LRFN2: variants seen among roughly 807,000 people sequenced by gnomAD.
LRFN2 encodes leucine-rich repeat and fibronectin type-III domain-containing protein 2.
A neutral mutation model predicts 37.3 loss-of-function variants in LRFN2; 18 were observed. The observed-to-expected ratio is 0.48, with a 90% confidence interval of 0.33 to 0.72. The LOEUF is 0.72. Ranked by LOEUF, LRFN2 falls within the 30% of genes least tolerant of loss-of-function variation. LRFN2 has a pLI of 0.02. For synonymous variants in LRFN2, 556 were observed against 466.6 expected (o/e 1.19, Z -2.47); for missense variants, 1,006 against 1,060.7 (o/e 0.95, Z 0.72).
chr6:40,523,684 A>G (rs1246518746), intron 1 of LRFN2: 1 of 152,138 alleles, frequency 6.6e-6, no homozygotes, highest in East Asian at 1.9e-4. Flanking sequence ...AATAAGTTCT[A>G]TCATTGGCCC....
chr6:40,551,683 G>T (rs946612083), intron 1 of LRFN2, among the ~76,000 whole-genome samples: 4 of 152,232 alleles, frequency 2.6e-5, no homozygotes, highest in African/African-American at 9.6e-5. Flanking sequence ...GAAAGTGGCT[G>T]TTGAGGATTG....
At chr6:40,560,805 G>T (rs563938450) in intron 1 of LRFN2, among the ~76,000 whole-genome samples, 2 of 152,262 alleles carry the variant, frequency 1.3e-5, no homozygotes, top group South Asian at 4.1e-4. Flanking sequence ...TTGGTTATTT[G>T]TATGTTTCAA....
chr6:40,465,697 C>T (rs1764445719), intron 1 of LRFN2, among the ~76,000 whole-genome samples: 1 of 152,154 alleles, frequency 6.6e-6, no homozygotes, highest in Admixed American at 6.5e-5. Flanking sequence ...CCTTGAACAA[C>T]ATAGGATGTT....
intron 2 of LRFN2, among the ~76,000 whole-genome samples, chr6:40,431,034 C>T (rs115092615): frequency 0.035 from 5,266 of 152,198 alleles, 303 homozygotes; most frequent in African/African-American, 0.12. Flanking sequence ...TTTGATCCAG[C>T]TGAACCTGAA....
At chr6:40,507,461 A>G (rs545027248) in intron 1 of LRFN2, among the ~76,000 whole-genome samples, 173 of 152,356 alleles carry the variant, frequency 1.1e-3, no homozygotes, top group African/African-American at 4.0e-3. Flanking sequence ...CTTCAGAAAC[A>G]GGCTCAGAGA....
chr6:40,405,325 C>T (rs994755431), intron 2 of LRFN2, among the ~76,000 whole-genome samples: 77 of 152,274 alleles, frequency 5.1e-4, no homozygotes, highest in African/African-American at 1.8e-3. Flanking sequence ...CCTGGTTTTG[C>T]ACATACCAGC....
intron 2 of LRFN2, among the ~76,000 whole-genome samples, chr6:40,421,105 A>G (rs899423909): frequency 1.3e-5 from 2 of 152,248 alleles, no homozygotes; most frequent in Non-Finnish European, 2.9e-5. Flanking sequence ...CCCCAGGTAG[A>G]GAATGTGAGC....
At chr6:40,517,940 T>C (rs1317651931) in intron 1 of LRFN2, among the ~76,000 whole-genome samples, 1 of 152,168 alleles carries the variant, frequency 6.6e-6, no homozygotes, top group African/African-American at 2.4e-5. Flanking sequence ...AGGCCTGTTT[T>C]CCTCCTGCTC....
At chr6:40,503,633 G>A (rs1464852394) in intron 1 of LRFN2, among the ~76,000 whole-genome samples, 1 of 152,134 alleles carries the variant, frequency 6.6e-6, no homozygotes, top group Non-Finnish European at 1.5e-5. Flanking sequence ...ATCCACATAT[G>A]GGTAGGAAAT....
intron 1 of LRFN2, among the ~76,000 whole-genome samples, chr6:40,481,427 A>T (rs1172682045): frequency 2.8e-5 from 4 of 142,384 alleles, no homozygotes; most frequent in Admixed American, 7.1e-5. Context: ...GGGCAACAGA[A>T]AAAGATTGTC....
chr6:40,393,970 AGT>A (rs1762565551), intron 2 of LRFN2, among the ~76,000 whole-genome samples: 2 of 152,150 alleles, frequency 1.3e-5, no homozygotes, highest in Non-Finnish European at 2.9e-5. Context: ...GGGACAGTGC[AGT>A]GTTAAGGACT....
chr6:40,456,480 G>A (rs1043075203), intron 1 of LRFN2, among the ~76,000 whole-genome samples: 1 of 152,192 alleles, frequency 6.6e-6, no homozygotes, highest in African/African-American at 2.4e-5. Flanking sequence ...GCTAGCCTGA[G>A]TACTTAGGGT....
At chr6:40,509,568 G>A (rs1372738381) in intron 1 of LRFN2, among the ~76,000 whole-genome samples, 1 of 152,168 alleles carries the variant, frequency 6.6e-6, no homozygotes, top group Non-Finnish European at 1.5e-5. Flanking sequence ...CAGGTAAGGG[G>A]TGGGTGCATG....
intron 2 of LRFN2, among the ~76,000 whole-genome samples, chr6:40,403,943 C>T (rs1762793244): frequency 6.6e-6 from 1 of 152,162 alleles, no homozygotes. Context: ...AATCTGGGCT[C>T]CCCACTGCTT....
chr6:40,391,938 C>G lies in LRFN2; in HGVS notation c.*5G>C. The G allele has an allele frequency of 6.5e-7, 1 of 1,538,944 alleles. No homozygotes were observed. The highest frequency in any genetic ancestry group is 8.8e-7 in the Non-Finnish European group (1 of 1,140,870). On this transcript the variant is annotated 3_prime_UTR_variant, in exon 3 of 3. Transcript: ENST00000338305. ...GCACAGGAAAGGGAGCATGCCCACCCCCACCTAGACCGTGCTCTCCATCAC... is the reference window on the plus strand; with the variant it reads ...GCACAGGAAAGGGAGCATGCCCACCGCCACCTAGACCGTGCTCTCCATCAC...
At chr6:40,454,390 T>A (rs953039335) in intron 1 of LRFN2, among the ~76,000 whole-genome samples, 4 of 152,088 alleles carry the variant, frequency 2.6e-5, no homozygotes, top group African/African-American at 9.7e-5. Context: ...CCAAGACAGT[T>A]GTAGGTAAAG....
intron 1 of LRFN2, among the ~76,000 whole-genome samples, chr6:40,498,661 G>T (rs994904891): frequency 6.6e-6 from 1 of 152,148 alleles, no homozygotes; most frequent in Non-Finnish European, 1.5e-5. Flanking sequence ...CCCACTCTGC[G>T]ACACCCACAT....
rs573975267 is a variant in LRFN2, at chr6:40,434,965, C to T, written c.-18-1834G>A. On this transcript the variant is annotated intron_variant, in intron 1 of 2. Coordinates refer to ENST00000338305, the MANE Select transcript of LRFN2 (RefSeq NM_020737.3). ...AATTAATGTTTAAGTTTGCATTACT[C>T]CTATTTCTTTTTACTATAAAGACAT... Among the ~76,000 whole-genome samples the T allele has an allele frequency of 5.8e-4, 80 of 137,386 alleles. No individual in the cohort carries two copies. In the South Asian group the frequency reaches 0.019, roughly 32 times the overall value. The allele number at this position is 137,386 out of a possible 152,430, so 90.1% of individuals were successfully genotyped here.
chr6:40,550,621 G>A (rs1187715814), intron 1 of LRFN2, among the ~76,000 whole-genome samples: 1 of 151,694 alleles, frequency 6.6e-6, no homozygotes, highest in Admixed American at 6.6e-5. Flanking sequence ...ACAGACCAGT[G>A]GCCACAATGT....
Sources: allele counts gnomAD v4.1 joint callset (sites outside exome capture counted in the v4.1 genomes callset), GRCh38; gene constraint gnomAD v4.1.1; transcripts MANE v1.5; gene names NCBI Gene and HGNC (gene_info 2026-07-23, HGNC 2026-07-21).